DOCK1: variants seen among roughly 807,000 people sequenced by gnomAD.
DOCK1 encodes the protein dedicator of cytokinesis 1.
A neutral mutation model predicts 262.7 loss-of-function variants in DOCK1; 138 were observed. The observed-to-expected ratio is 0.53, with a 90% CI of 0.46 to 0.61. The LOEUF is 0.61. DOCK1 is among the 20% of genes least tolerant of loss of function. DOCK1 has a pLI of 0.00. For synonymous variants in DOCK1, 866 were observed against 867.4 expected, an observed-to-expected ratio of 1.00 and a Z score of 0.03; for missense variants, 1,908 against 2,370.7, an observed-to-expected ratio of 0.80 and a Z score of 4.05.
At chr10:127,266,554 T>C (rs2060365990) in intron 29 of DOCK1, among the ~76,000 whole-genome samples, 1 of 151,908 alleles carries the variant, frequency 6.6e-6, no homozygotes, top group Non-Finnish European at 1.5e-5. Flanking sequence ...CACTGAGAGA[T>C]GTTTCATGCA....
intron 28 of DOCK1, among the ~76,000 whole-genome samples, chr10:127,252,658 GCTT>G (rs2059692359): frequency 6.6e-6 from 1 of 150,742 alleles, no homozygotes; most frequent in Non-Finnish European, 1.5e-5. Flanking sequence ...TTTCCCCATT[GCTT>G]GTTTTTCTCA....
At chr10:127,268,187 A>G (rs2060434547) in intron 29 of DOCK1, among the ~76,000 whole-genome samples, 1 of 152,188 alleles carries the variant, frequency 6.6e-6, no homozygotes, top group Admixed American at 6.5e-5. Context: ...ATGAAAAAAC[A>G]GAGTCCAGAG....
chr10:127,402,205 T>C (rs1246860522), intron 38 of DOCK1, among the ~76,000 whole-genome samples: 3 of 152,112 alleles, frequency 2.0e-5, no homozygotes, highest in Non-Finnish European at 4.4e-5. Context: ...AGGGTCATGC[T>C]AGTTTCAGTA....
rs113629282 is a variant in DOCK1, at chr10:127,048,822, T to C, written c.2202-3859T>C. ...GACAGAATTCAGCATCTGTTTATGA[T>C]AAAACCTCTTGGCAAACTAGGAATA... On this transcript the variant is annotated intron_variant, in intron 21 of 51. Transcript: ENST00000623213. Among the ~76,000 whole-genome samples, 353 of 152,320 alleles carry C rather than the reference T, an allele frequency of 2.3e-3. 1 individual carries two copies. Among genetic ancestry groups the C allele is most frequent in the African/African-American group, 8.2e-3 (340 of 41,574 alleles).
chr10:127,082,288 C>T (rs1033825611), intron 23 of DOCK1, among the ~76,000 whole-genome samples: 3 of 152,058 alleles, frequency 2.0e-5, no homozygotes, highest in Non-Finnish European at 4.4e-5. Flanking sequence ...GGTGTCTGCC[C>T]GGGTCTGGGT....
chr10:127,077,831 C>T (rs1191939910), intron 23 of DOCK1, among the ~76,000 whole-genome samples: 1 of 152,056 alleles, frequency 6.6e-6, no homozygotes, highest in Non-Finnish European at 1.5e-5. Flanking sequence ...AAGGCCTCCT[C>T]AGAGCAGGTT....
intron 27 of DOCK1, among the ~76,000 whole-genome samples, chr10:127,218,410 A>G (rs1322758433): frequency 6.6e-6 from 1 of 152,134 alleles, no homozygotes; most frequent in Non-Finnish European, 1.5e-5. Flanking sequence ...AATCTTCTTC[A>G]ATGACAATAA....
At chr10:126,912,986 A>AT (rs1591292036) in intron 1 of DOCK1, among the ~76,000 whole-genome samples, 1 of 140,830 alleles carries the variant, frequency 7.1e-6, no homozygotes, top group East Asian at 2.6e-4. Context: ...GTGGCCTTTG[A>AT]ATTTTTTTTT....
At chr10:127,260,926 G>GGT (rs1359958810) in intron 29 of DOCK1, among the ~76,000 whole-genome samples, 3 of 95,778 alleles carry the variant, frequency 3.1e-5, no homozygotes, top group African/African-American at 4.4e-5. Context: ...TGTGCATGTG[G>GGT]GTGTGTGTGT....
intron 46 of DOCK1, 97 bp from the exon 47 acceptor site, chr10:127,425,777 G>A: frequency 3.3e-6 from 5 of 1,532,172 alleles, no homozygotes; most frequent in Non-Finnish European, 4.4e-6. Context: ...GGAAACCAAA[G>A]CAGATCGTTT....
intron 27 of DOCK1, among the ~76,000 whole-genome samples, chr10:127,166,358 C>T (rs913864273): frequency 1.3e-4 from 19 of 151,940 alleles, no homozygotes; most frequent in African/African-American, 4.6e-4. Context: ...AGCCACCGCG[C>T]CCGGCCCAAA....
At chr10:126,939,055 AC>A (rs2034785926) in intron 1 of DOCK1, among the ~76,000 whole-genome samples, 1 of 92,520 alleles carries the variant, frequency 1.1e-5, no homozygotes, top group Non-Finnish European at 2.1e-5. Flanking sequence ...GGGGATGAAC[AC>A]CGGGGGGGGG....
chr10:127,186,608 A>T lies in DOCK1; in HGVS notation c.2847+58844A>T, dbSNP rs1008146272. On this transcript the variant is annotated intron_variant, in intron 27 of 51. Transcript: ENST00000623213. ...TTGGAGGTGAGATTTGGGTGGGGAC[A>T]GAGAGCCAAACCGTATCAGAGGGGC... 4.1e-5 allele frequency among the ~76,000 whole-genome samples: 6 copies of T among 147,682 alleles called. No individual in the cohort carries two copies. In the South Asian group the frequency reaches 6.5e-4, roughly 16 times the overall value.
intron 27 of DOCK1, chr10:127,137,209 T>C (rs1303896508): frequency 1.3e-5 from 2 of 152,606 alleles, no homozygotes; most frequent in Non-Finnish European, 2.9e-5. Flanking sequence ...GATGCTAAAT[T>C]TGAGGTGTCG....
At chr10:127,339,906 G>C (rs920157037) in intron 30 of DOCK1, among the ~76,000 whole-genome samples, 2 of 152,124 alleles carry the variant, frequency 1.3e-5, no homozygotes, top group African/African-American at 4.8e-5. Flanking sequence ...AAAGCATGCA[G>C]ATACAAATGG....
rs543066867 is a variant in DOCK1 at position 127,363,122 on chromosome 10, A to C, written c.3432+910A>C. Among the ~76,000 whole-genome samples, 8 of 133,056 alleles carry C rather than the reference A, an allele frequency of 6.0e-5. No homozygotes were observed. In the East Asian group the frequency reaches 1.8e-3, roughly 31 times the overall value. 87.3% of individuals were successfully genotyped at this position (133,056 alleles called of 152,430 possible). ...ATGCACATGCTATGACTTTCTCCTT[A>C]GTGTACTAATGGTTTGGCCATGATG... On this transcript the variant is annotated intron_variant, in intron 33 of 51. Transcript: ENST00000623213.
intron 23 of DOCK1, among the ~76,000 whole-genome samples, chr10:127,070,583 C>T (rs1158967770): frequency 6.6e-6 from 1 of 151,860 alleles, no homozygotes; most frequent in Non-Finnish European, 1.5e-5. Context: ...CACAGTTTCA[C>T]CCACGGTAGA....
In DOCK1 at chr10:127,377,622, G is replaced by A. The variant is rs550273685; in HGVS notation, c.3676-2460G>A. Among the ~76,000 whole-genome samples the A allele has an allele frequency of 2.6e-5, 4 of 152,112 alleles. No homozygotes were observed. In the South Asian group the frequency reaches 8.3e-4, roughly 32 times the overall value. On this transcript the variant is annotated intron_variant, in intron 35 of 51. Coordinates refer to ENST00000623213, the MANE Select transcript of DOCK1 (RefSeq NM_001290223.2). ...CTTAAAAAAACAAAAATAGGTCCGG[G>A]TGTGGTGGCTCACGCCTGTTGCACT...
chr10:127,445,738 G>A (rs2134810076), intron 50 of DOCK1, among the ~76,000 whole-genome samples: 1 of 152,332 alleles, frequency 6.6e-6, no homozygotes, highest in Non-Finnish European at 1.5e-5. Flanking sequence ...GAGCCAGTAA[G>A]CAAACACAGG....
Sources: allele counts gnomAD v4.1 joint callset (sites outside exome capture counted in the v4.1 genomes callset), GRCh38; gene constraint gnomAD v4.1.1; transcripts MANE v1.5; gene names NCBI Gene and HGNC (gene_info 2026-07-23, HGNC 2026-07-21).